Variants in PLXNA4 observed in about 807,000 individuals in gnomAD.
PLXNA4 encodes the protein plexin-A4.
A neutral mutation model predicts 191.8 loss-of-function variants in PLXNA4; 44 were observed. The ratio of observed to expected loss-of-function variants is 0.23; its 90% CI spans 0.18 to 0.29. PLXNA4 has a LOEUF of 0.29. Among genes scored for constraint, PLXNA4 ranks in the 10% least tolerant of loss-of-function variants. PLXNA4 has a pLI of 1.00. For missense variants in PLXNA4, 1,800 were observed against 2,488.8 expected (o/e 0.72, Z 5.89); for synonymous variants, 1,082 against 1,009.5 (o/e 1.07, Z -1.36).
chr7:132,562,029 TTCTC>T (rs1353458574), intron 1 of PLXNA4, among the ~76,000 whole-genome samples: 73 of 88,208 alleles, frequency 8.3e-4, no homozygotes, highest in Admixed American at 4.3e-3. Flanking sequence ...CTCCTCCTCC[TTCTC>T]CTCCTCTTCC....
chr7:132,434,693 T>C (rs1438693022), intron 3 of PLXNA4, among the ~76,000 whole-genome samples: 2 of 152,194 alleles, frequency 1.3e-5, no homozygotes, highest in Non-Finnish European at 2.9e-5. Flanking sequence ...CTTGCCTCAT[T>C]TGGGGACACC....
Position 132,125,585 on chromosome 7 carries a change from C to T in PLXNA4, c.*4894G>A, listed in dbSNP as rs1794745929. 1 of 152,150 alleles carries T rather than the reference C, an allele frequency of 6.6e-6. No individual in the cohort carries two copies. Among genetic ancestry groups the T allele is most frequent in the African/African-American group, 2.4e-5 (1 of 41,428 alleles). The allele number at this position is 152,150 out of a possible 1,614,324, so 9.4% of individuals were successfully genotyped here. A position where few individuals can be genotyped will look rare whatever the true frequency, so the allele number is the denominator to read the frequency against. ...ACAAAAACCAAACAACTCCAAAATCCCAAATAAATGGCCCACAGTTTTGTT... is the reference window on the plus strand; with the variant it reads ...ACAAAAACCAAACAACTCCAAAATCTCAAATAAATGGCCCACAGTTTTGTT... On this transcript the variant is annotated 3_prime_UTR_variant, in exon 32 of 32. Coordinates refer to ENST00000321063, the MANE Select transcript of PLXNA4 (RefSeq NM_020911.2).
At chr7:132,441,305 T>C (rs1186458453) in intron 3 of PLXNA4, among the ~76,000 whole-genome samples, 1 of 152,224 alleles carries the variant, frequency 6.6e-6, no homozygotes, top group African/African-American at 2.4e-5. Flanking sequence ...TGTCATAAGA[T>C]CTTGGACAAG....
At chr7:132,168,842 G>A (rs12386622) in intron 21 of PLXNA4, among the ~76,000 whole-genome samples, 39,770 of 152,138 alleles carry the variant, frequency 0.26, 7,535 homozygotes, top group African/African-American at 0.54. Context: ...CACTTCTGCC[G>A]GACTCCAGAG....
Position 132,194,091 on chromosome 7 carries a change from C to T in PLXNA4, c.2827G>A (p.Ala943Thr). Reference sequence around the variant, plus strand: ...AAGTAATAGAGCTGTGAGGACCGGGCCATGAATTCAGGCCGACACACAGCC... The same window carrying T: ...AAGTAATAGAGCTGTGAGGACCGGGTCATGAATTCAGGCCGACACACAGCC... ...CVAVCRPEFM[A>T]RSSQLYYFMT... Residue 943 changes from alanine to threonine, a missense_variant, in exon 14 of 32, where the codon GCC becomes ACC. Physicochemically the swap from Ala to Thr is moderately conservative, Grantham distance 58. This residue lies in a region of PLXNA4 where 1,397 missense variants were observed against 1,880.4 expected (regional missense o/e 0.74). Coordinates refer to ENST00000321063, the MANE Select transcript of PLXNA4 (RefSeq NM_020911.2). The T allele has an allele frequency of 6.2e-7, 1 of 1,614,046 alleles. No individual in the cohort carries two copies. The highest frequency in any genetic ancestry group is 8.5e-7 in the Non-Finnish European group (1 of 1,179,954).
chr7:132,208,635 T>A (rs770670797), intron 10 of PLXNA4, among the ~76,000 whole-genome samples: 5 of 152,198 alleles, frequency 3.3e-5, no homozygotes, highest in African/African-American at 4.8e-5. Flanking sequence ...GAAGTAGAAA[T>A]GACCACTGTG....
At chr7:132,251,118 C>T (rs114647121) in intron 4 of PLXNA4, among the ~76,000 whole-genome samples, 4,680 of 147,210 alleles carry the variant, frequency 0.032, 77 homozygotes, top group Middle Eastern at 0.073. Flanking sequence ...GTTACTGCTA[C>T]GTAAACACTG....
At chr7:132,611,375 C>G (rs1300408457) in intron 2 of PLXNA4, among the ~76,000 whole-genome samples, 1 of 152,224 alleles carries the variant, frequency 6.6e-6, no homozygotes, top group Non-Finnish European at 1.5e-5. Context: ...CATCAAAACT[C>G]CAGCCTTTGG....
chr7:132,563,667 T>TCTCCTCCTCTTTCTCCTCCTC (rs1563176616), intron 1 of PLXNA4, among the ~76,000 whole-genome samples: 1 of 26,968 alleles, frequency 3.7e-5, no homozygotes, highest in East Asian at 1.4e-3. Context: ...TCCTCCTCCT[T>TCTCCTCCTCTTTCTCCTCCTC]CTCCTCCTCT....
chr7:132,160,116 C>T (rs2116630344), intron 24 of PLXNA4, among the ~76,000 whole-genome samples: 1 of 152,278 alleles, frequency 6.6e-6, no homozygotes, highest in African/African-American at 2.4e-5. Context: ...CCTTCTTGGA[C>T]ACACACACAC....
At chr7:132,351,542 C>A (rs1441913928) in intron 3 of PLXNA4, among the ~76,000 whole-genome samples, 2 of 152,270 alleles carry the variant, frequency 1.3e-5, no homozygotes, top group East Asian at 3.9e-4. Flanking sequence ...AGACCCAAGG[C>A]CCAGGAAGAA....
intron 28 of PLXNA4, among the ~76,000 whole-genome samples, chr7:132,146,079 C>CAAAAAAA (rs67412588): frequency 4.7e-4 from 23 of 48,914 alleles, no homozygotes; most frequent in South Asian, 2.2e-3. Flanking sequence ...GACTCTGTCT[C>CAAAAAAA]AAAAAAAAAA....
At chr7:132,599,484 T>C (rs953710862) in intron 2 of PLXNA4, among the ~76,000 whole-genome samples, 3 of 152,220 alleles carry the variant, frequency 2.0e-5, no homozygotes. Context: ...TTATTACTAA[T>C]GAGAATAACA....
At chr7:132,562,830 TCCTCCTCCTTCTCTTC>T (rs1801301742) in intron 1 of PLXNA4, among the ~76,000 whole-genome samples, 1 of 112,234 alleles carries the variant, frequency 8.9e-6, no homozygotes, top group Admixed American at 8.4e-5. Context: ...CTCCTCCTTC[TCCTCCTCCTTCTCTTC>T]CTTTCTCCTC....
At chr7:132,198,151 G>A (rs981826234) in intron 13 of PLXNA4, among the ~76,000 whole-genome samples, 4 of 152,182 alleles carry the variant, frequency 2.6e-5, no homozygotes, top group Non-Finnish European at 4.4e-5. Flanking sequence ...GGAAGTTGAG[G>A]ACAGCAGAAG....
At chr7:132,383,669 G>A in intron 3 of PLXNA4, 1 of 982,092 alleles carries the variant, frequency 1.0e-6, no homozygotes. Context: ...TCCTATAAAT[G>A]AGTGTATATA....
chr7:132,328,845 C>G (rs1353764849), intron 3 of PLXNA4, among the ~76,000 whole-genome samples: 1 of 152,170 alleles, frequency 6.6e-6, no homozygotes, highest in African/African-American at 2.4e-5. Flanking sequence ...CTGCTCATGG[C>G]AACTCTGAGA....
intron 4 of PLXNA4, among the ~76,000 whole-genome samples, chr7:132,295,449 T>G (rs184292710): frequency 2.6e-5 from 4 of 152,334 alleles, no homozygotes. Context: ...GGCTAAGCTA[T>G]GCCCTTAGCC....
chr7:132,223,393 A>G, intron 9 of PLXNA4, 134 bp downstream of exon 9: 1 of 707,272 alleles, frequency 1.4e-6, no homozygotes, highest in East Asian at 2.8e-5. Context: ...TATAAAGTGG[A>G]CCCTTAAGAG....
Sources: allele counts gnomAD v4.1 joint callset (sites outside exome capture counted in the v4.1 genomes callset), GRCh38; gene constraint gnomAD v4.1.1; regional missense constraint gnomAD v4.1.1; transcripts MANE v1.5; gene names NCBI Gene and HGNC (gene_info 2026-07-23, HGNC 2026-07-21).